MAST4: variants seen among roughly 807,000 people sequenced by gnomAD.
The protein encoded by MAST4 is microtubule-associated serine/threonine-protein kinase 4.
In MAST4, 89 loss-of-function variants were observed where a neutral mutation model predicts 162.7. The observed-to-expected ratio is 0.55, with a 90% CI of 0.46 to 0.65. MAST4 has a LOEUF of 0.65. Among genes scored for constraint, MAST4 ranks in the 30% least tolerant of loss-of-function variants. The pLI is 0.00. For missense variants in MAST4, 3,153 were observed against 3,374.0 expected (o/e 0.93, Z 1.62); for synonymous variants, 1,479 against 1,361.1 (o/e 1.09, Z -1.91).
chr5:66,601,702 G>C (rs1742562589), intron 1 of MAST4, among the ~76,000 whole-genome samples: 1 of 152,142 alleles, frequency 6.6e-6, no homozygotes, highest in Non-Finnish European at 1.5e-5. Context: ...GGAGAGAAGA[G>C]CATGACATCT....
chr5:67,103,541 C>T (rs1208220916), intron 9 of MAST4, among the ~76,000 whole-genome samples: 1 of 152,086 alleles, frequency 6.6e-6, no homozygotes, highest in African/African-American at 2.4e-5. Flanking sequence ...GAGAGGGAGT[C>T]TCCCTGCATA....
At chr5:67,106,329 C>A (rs1199869212) in intron 10 of MAST4, among the ~76,000 whole-genome samples, 1 of 152,178 alleles carries the variant, frequency 6.6e-6, no homozygotes, top group African/African-American at 2.4e-5. Context: ...GGGCAGCCCA[C>A]TGAAGCAGCA....
At chr5:66,896,615 C>T (rs999036486) in intron 3 of MAST4, among the ~76,000 whole-genome samples, 28 of 152,200 alleles carry the variant, frequency 1.8e-4, no homozygotes, top group Admixed American at 1.4e-3. Flanking sequence ...TCTCTAAACA[C>T]GTGCGGCATG....
intron 13 of MAST4, among the ~76,000 whole-genome samples, chr5:67,119,516 T>C (rs1314981172): frequency 1.3e-5 from 2 of 152,106 alleles, no homozygotes; most frequent in African/African-American, 2.4e-5. Context: ...AACACTCTGC[T>C]TTCTACCAGC....
At chr5:66,911,136 C>T (rs1000820355) in intron 4 of MAST4, among the ~76,000 whole-genome samples, 2 of 152,144 alleles carry the variant, frequency 1.3e-5, no homozygotes, top group African/African-American at 4.8e-5. Flanking sequence ...GAACATGAGA[C>T]AAACCCATGG....
chr5:66,864,980 G>C (rs1760397291), intron 3 of MAST4, among the ~76,000 whole-genome samples: 1 of 49,788 alleles, frequency 2.0e-5, no homozygotes, highest in African/African-American at 5.5e-5. Context: ...AGGATTTGCC[G>C]AGGCATTAGA....
chr5:66,953,583 C>T (rs535476894), intron 4 of MAST4, among the ~76,000 whole-genome samples: 5 of 152,142 alleles, frequency 3.3e-5, no homozygotes, highest in South Asian at 4.1e-4. Flanking sequence ...CTCCTGAAAA[C>T]GGGACAGAAG....
intron 4 of MAST4, among the ~76,000 whole-genome samples, chr5:67,031,487 C>G (rs566141978): frequency 1.3e-5 from 2 of 152,204 alleles, no homozygotes; most frequent in East Asian, 3.9e-4. Context: ...CAGTGGTATG[C>G]TCCATTTGCA....
In MAST4 at chr5:66,597,834, T is replaced by C. The variant is rs73764383; in HGVS notation, c.363+816T>C. Among the ~76,000 whole-genome samples the C allele has an allele frequency of 2.5e-3, 387 of 152,294 alleles. 2 individuals are homozygous for C. Among genetic ancestry groups the C allele is most frequent in the African/African-American group, 8.9e-3 (368 of 41,574 alleles). On this transcript the variant is annotated intron_variant, in intron 1 of 28. Transcript: ENST00000403625. ...TTCTGGCTGCTCTGTCCGGCTTATT[T>C]TCTGCTTTTGGAGGACAGTTAAAGA...
chr5:67,019,063 C>T (rs1640560621), intron 4 of MAST4, among the ~76,000 whole-genome samples: 1 of 152,212 alleles, frequency 6.6e-6, no homozygotes, highest in African/African-American at 2.4e-5. Context: ...ACTATATCTC[C>T]TGGTTTATTA....
At chr5:66,955,525 C>A (rs902298668) in intron 4 of MAST4, among the ~76,000 whole-genome samples, 1 of 152,124 alleles carries the variant, frequency 6.6e-6, no homozygotes, top group Non-Finnish European at 1.5e-5. Flanking sequence ...TTCAAACATA[C>A]ACTGAAGTAC....
chr5:66,884,053 A>G (rs1254632500), intron 3 of MAST4, among the ~76,000 whole-genome samples: 6 of 152,216 alleles, frequency 3.9e-5, no homozygotes, highest in Admixed American at 2.6e-4. Flanking sequence ...TGGTGTGGCA[A>G]TAACTTAGTC....
chr5:66,826,774 A>G (rs1000523588), intron 3 of MAST4, among the ~76,000 whole-genome samples: 1 of 152,222 alleles, frequency 6.6e-6, no homozygotes, highest in Non-Finnish European at 1.5e-5. Context: ...TTCTTGGGTC[A>G]AGATTTTTTC....
At chr5:66,980,390 T>C (rs1748647363) in intron 4 of MAST4, among the ~76,000 whole-genome samples, 1 of 152,202 alleles carries the variant, frequency 6.6e-6, no homozygotes, top group Non-Finnish European at 1.5e-5. Flanking sequence ...AACTCTAAGA[T>C]ACTTTTATGT....
chr5:66,708,574 T>C (rs1750293568), intron 1 of MAST4, among the ~76,000 whole-genome samples: 1 of 152,156 alleles, frequency 6.6e-6, no homozygotes, highest in Non-Finnish European at 1.5e-5. Context: ...CCTCCTTGTC[T>C]GAATTGAGTT....
chr5:66,885,497 ATGGGATGCTAAG>A (rs1241273763), intron 3 of MAST4, among the ~76,000 whole-genome samples: 2 of 152,206 alleles, frequency 1.3e-5, no homozygotes, highest in African/African-American at 4.8e-5. Flanking sequence ...ATATACAGCT[ATGGGATGCTAAG>A]AACATATGCC....
chr5:66,885,522 T>C lies in MAST4; in HGVS notation c.643-14429T>C, dbSNP rs6890578. Among the ~76,000 whole-genome samples, 1,158 of 152,314 alleles carry C rather than the reference T, an allele frequency of 7.6e-3. 20 individuals are homozygous for C. The highest frequency in any genetic ancestry group is 0.026 in the African/African-American group (1,096 of 41,570). On this transcript the variant is annotated intron_variant, in intron 3 of 28. Coordinates refer to ENST00000403625, the MANE Select transcript of MAST4 (RefSeq NM_001164664.2). ...ATGGGATGCTAAGAACATATGCCAA[T>C]ATGTTTAGCATGTGGGTGGATAAAA...
At chr5:66,997,154 CTA>C (rs1034327829) in intron 4 of MAST4, among the ~76,000 whole-genome samples, 2 of 151,850 alleles carry the variant, frequency 1.3e-5, no homozygotes, top group Non-Finnish European at 1.5e-5. Context: ...TCAAATATAT[CTA>C]TGTATATATT....
intron 4 of MAST4, among the ~76,000 whole-genome samples, chr5:66,932,121 C>T (rs976066187): frequency 6.6e-6 from 1 of 152,134 alleles, no homozygotes; most frequent in Non-Finnish European, 1.5e-5. Context: ...TGTCAAACTG[C>T]AATTTGAATT....
Sources: gnomAD v4.1 joint callset for allele counts (sites outside exome capture counted in the v4.1 genomes callset) on GRCh38, gnomAD v4.1.1 for gene constraint, MANE v1.5 for transcripts, NCBI Gene and HGNC (gene_info 2026-07-23, HGNC 2026-07-21) for gene names.